RUFY1: variants seen among roughly 807,000 people sequenced by gnomAD.
RUFY1 encodes the protein RUN and FYVE domain-containing protein 1.
RUFY1 carries 54 observed loss-of-function variants against 94.6 expected under a neutral mutation model. That is an observed-to-expected ratio of 0.57 (90% CI 0.46 to 0.72). The LOEUF (loss-of-function observed/expected upper bound fraction) is 0.72. RUFY1 is among the 30% of genes least tolerant of loss of function. RUFY1 has a pLI of 0.00. For synonymous variants in RUFY1, 396 were observed against 347.3 expected (o/e 1.14, Z -1.56); for missense variants, 883 against 883.9 (o/e 1.00, Z 0.01).
intron 2 of RUFY1, among the ~76,000 whole-genome samples, chr5:179,561,843 C>T (rs1462984059): frequency 3.3e-5 from 5 of 150,822 alleles, no homozygotes; most frequent in African/African-American, 9.7e-5. Flanking sequence ...CCACCACTCT[C>T]GGCTAATTTT....
chr5:179,566,779 G>T (rs1186596607), intron 3 of RUFY1, among the ~76,000 whole-genome samples: 1 of 152,098 alleles, frequency 6.6e-6, no homozygotes, highest in Non-Finnish European at 1.5e-5. Flanking sequence ...TTTAAGGCCA[G>T]GTGCAGTGGC....
At position 179,567,356 on chromosome 5, in the gene RUFY1, A is replaced by G. The variant is rs550728920; in HGVS notation, c.603-105A>G. The G allele has an allele frequency of 6.5e-5, 53 of 815,586 alleles. 1 individual carries two copies. The highest frequency in any genetic ancestry group is 6.0e-4 in the South Asian group (39 of 64,960). The allele number at this position is 815,586 out of a possible 1,614,324, so 50.5% of individuals were successfully genotyped here. On this transcript the variant is annotated intron_variant, in intron 3 of 17. Transcript: ENST00000319449. ...CAGCCATTCTTAGAGTATCGTCTGC[A>G]TTTACAAGGGTGTGTTTCCTATGTG...
At chr5:179,606,368 G>T (rs1184453851) in intron 16 of RUFY1, 1 of 180,954 alleles carries the variant, frequency 5.5e-6, no homozygotes, top group Non-Finnish European at 1.1e-5. Context: ...CCGCACCCTG[G>T]TGGGGAGGGC....
chr5:179,572,195 G>T, intron 5 of RUFY1: 1 of 307,650 alleles, frequency 3.3e-6, no homozygotes, highest in South Asian at 2.8e-5. Context: ...GCCAGCCCCT[G>T]ACTTCAAGGC....
In RUFY1 at chr5:179,598,738, G is replaced by T; in HGVS notation, c.1678G>T (p.Ala560Ser). The change falls in exon 14 of 18, where the codon GCT becomes TCT. Residue 560 changes from alanine (A) to serine (S), a missense_variant. Transcript: ENST00000319449. ...GAAATCAGAAAAAGAGCAAAGACAGGCTCTTCAGCGCGAATTACAGCACGA... is the reference window on the plus strand; with the variant it reads ...GAAATCAGAAAAAGAGCAAAGACAGTCTCTTCAGCGCGAATTACAGCACGA... ...ELKSEKEQRQALQRELQHEKD... is the reference protein window; with the variant it reads ...ELKSEKEQRQSLQRELQHEKD... 1 of 1,614,124 alleles carries T rather than the reference G, an allele frequency of 6.2e-7. No individual in the cohort carries two copies. Among genetic ancestry groups the T allele is most frequent in the Non-Finnish European group, 8.5e-7 (1 of 1,179,992 alleles).
intron 13 of RUFY1, among the ~76,000 whole-genome samples, chr5:179,597,515 C>T (rs1324160866): frequency 6.6e-6 from 1 of 151,992 alleles, no homozygotes; most frequent in Non-Finnish European, 1.5e-5. Flanking sequence ...GGATTACAGG[C>T]GTGAGCCACT....
In RUFY1 at chr5:179,609,673, G is replaced by T; in HGVS notation, c.*154G>T. The stretch of plus-strand genomic sequence containing the variant: ...CTCCAGAAGACAGCGTGCCGGAACC[G>T]GCAGCTCTCACCTTTCTGTGACTTG... On this transcript the variant is annotated 3_prime_UTR_variant, in exon 18 of 18. Transcript: ENST00000319449. 1 of 678,914 alleles carries T rather than the reference G, an allele frequency of 1.5e-6. No homozygotes were observed. Among genetic ancestry groups the T allele is most frequent in the South Asian group, 2.3e-5 (1 of 43,462 alleles). The allele number at this position is 678,914 out of a possible 1,614,324, so 42.1% of individuals were successfully genotyped here.
chr5:179,571,675 C>T (rs1763236329), intron 5 of RUFY1, among the ~76,000 whole-genome samples: 1 of 152,130 alleles, frequency 6.6e-6, no homozygotes, highest in South Asian at 2.1e-4. Flanking sequence ...ATACACCCAC[C>T]AGCAGTGTGG....
intron 8 of RUFY1, among the ~76,000 whole-genome samples, chr5:179,587,188 G>C (rs1764673683): frequency 2.0e-5 from 3 of 151,856 alleles, no homozygotes; most frequent in South Asian, 2.1e-4. Flanking sequence ...CAGTAGCTGG[G>C]ACTACAGGTA....
At chr5:179,565,239 C>CA (rs1554115502) in intron 3 of RUFY1, among the ~76,000 whole-genome samples, 2 of 132,828 alleles carry the variant, frequency 1.5e-5, no homozygotes, top group Non-Finnish European at 3.1e-5. Context: ...AGTGCAGTGG[C>CA]ACAATCTCGA....
chr5:179,585,187 G>T (rs983269975), intron 7 of RUFY1, among the ~76,000 whole-genome samples: 12 of 152,252 alleles, frequency 7.9e-5, no homozygotes, highest in South Asian at 2.1e-4. Context: ...CTAATACCTT[G>T]TTAATGAATT....
intron 1 of RUFY1, among the ~76,000 whole-genome samples, chr5:179,553,505 C>T (rs1425593510): frequency 2.0e-5 from 3 of 152,066 alleles, no homozygotes; most frequent in Admixed American, 1.3e-4. Context: ...AAAACTAGGC[C>T]GGGCATGGTG....
In RUFY1 at chr5:179,561,678, CTTTTTTT is replaced by C. The variant is rs71001004; in HGVS notation, c.485-850_485-844del. On this transcript the variant is annotated intron_variant, in intron 2 of 17. Coordinates refer to ENST00000319449, the MANE Select transcript of RUFY1 (RefSeq NM_025158.5). Reference sequence around the variant, plus strand: ...CTATAAGGCAACTGTTTTTTTCTTTCTTTTTTTTTTTTTTTTTTTTTTTTTGAAGAGT... The same window carrying C: ...CTATAAGGCAACTGTTTTTTTCTTTCTTTTTTTTTTTTTTTTTTGAAGAGT... Among the ~76,000 whole-genome samples the C allele has an allele frequency of 3.3e-4, 21 of 64,608 alleles. 1 individual carries two copies. The highest frequency in any genetic ancestry group is 8.9e-4 in the East Asian group (2 of 2,246). 42.4% of individuals were successfully genotyped at this position (64,608 alleles called of 152,430 possible). A position where few individuals can be genotyped will look rare whatever the true frequency, so the allele number is the denominator to read the frequency against.
intron 8 of RUFY1, among the ~76,000 whole-genome samples, chr5:179,587,553 G>A (rs1484824336): frequency 2.1e-4 from 19 of 92,122 alleles, no homozygotes; most frequent in African/African-American, 6.3e-4. Flanking sequence ...CACCACGCCC[G>A]GCTAAATTTT....
chr5:179,608,365 C>G, intron 17 of RUFY1: 1 of 985,710 alleles, frequency 1.0e-6, no homozygotes, highest in Non-Finnish European at 1.2e-6. Flanking sequence ...TTGCAGTAAG[C>G]TCAGAGCTAG....
intron 15 of RUFY1, 173 bp downstream of exon 15, chr5:179,602,159 T>C: frequency 1.6e-6 from 1 of 606,148 alleles, no homozygotes. Context: ...GGCCCAGCAC[T>C]GATCTCTGCT....
intron 2 of RUFY1, among the ~76,000 whole-genome samples, chr5:179,562,245 C>A (rs1300109221): frequency 6.6e-6 from 1 of 151,874 alleles, no homozygotes; most frequent in Non-Finnish European, 1.5e-5. Flanking sequence ...AACCCCGTCT[C>A]TACTAAAAAT....
At chr5:179,566,545 G>A (rs1762843003) in intron 3 of RUFY1, among the ~76,000 whole-genome samples, 1 of 151,174 alleles carries the variant, frequency 6.6e-6, no homozygotes, top group South Asian at 2.1e-4. Flanking sequence ...GGTGGAGGAT[G>A]CAGTGAGCCA....
In RUFY1 at chr5:179,550,672, G is replaced by C; in HGVS notation, c.103G>C (p.Glu35Gln). 1 of 1,495,700 alleles carries C rather than the reference G, an allele frequency of 6.7e-7. No homozygotes were observed. The highest frequency in any genetic ancestry group is 1.2e-5 in the South Asian group (1 of 80,298). 92.7% of individuals were successfully genotyped at this position (1,495,700 alleles called of 1,614,324 possible). ...GPGSALEPGE[E>Q]FEIVDRSQLP... ...CGGGTCAGCGCTTGAGCCGGGAGAA[G>C]AGTTTGAGATCGTGGACCGAAGCCA... The change falls in exon 1 of 18, where the codon GAG (glutamate) becomes CAG (glutamine). Residue 35 changes from glutamate (E) to glutamine (Q), a missense_variant. By Grantham distance (29) the Glu-to-Gln change is conservative. Transcript: ENST00000319449.
Sources: gnomAD v4.1 joint callset for allele counts (sites outside exome capture counted in the v4.1 genomes callset) on GRCh38, gnomAD v4.1.1 for gene constraint, MANE v1.5 for transcripts, NCBI Gene and HGNC (gene_info 2026-07-23, HGNC 2026-07-21) for gene names.